COL12A1: variants seen among roughly 807,000 people sequenced by gnomAD.
COL12A1 encodes the protein collagen alpha-1(XII) chain.
Under a neutral mutation model 349.7 loss-of-function variants are expected in COL12A1, and 114 were observed. The ratio of observed to expected loss-of-function variants is 0.33; its 90% CI spans 0.28 to 0.38. The LOEUF is 0.38. Among genes scored for constraint, COL12A1 ranks in the 10% least tolerant of loss-of-function variants. The pLI, the probability that COL12A1 is intolerant of heterozygous loss-of-function variation, is 1.00. For missense variants in COL12A1, 3,284 were observed against 3,756.9 expected (o/e 0.87, Z 3.29); for synonymous variants, 1,369 against 1,329.0 (o/e 1.03, Z -0.66).
rs1455913805 is a variant in COL12A1, at chr6:75,165,656, T to C, written c.2834A>G (p.Asp945Gly). 6.2e-7 allele frequency: 1 copy of C among 1,614,050 alleles called. No individual in the cohort carries two copies. The highest frequency in any genetic ancestry group is 8.5e-7 in the Non-Finnish European group (1 of 1,179,936). Residue 945 changes from aspartate to glycine, a missense_variant, in exon 14 of 66, where the codon GAT becomes GGT. Coordinates refer to ENST00000322507, the MANE Select transcript of COL12A1 (RefSeq NM_004370.6). ...YRVSWKSLYD[D>G]VDTGEKNLPE... ...CAGATTTTTCTCTCCAGTGTCAACA[T>C]CATCATAAAGTGATTTCCATGAGAC...
At chr6:75,170,250 C>G (rs1223706205) in intron 13 of COL12A1, among the ~76,000 whole-genome samples, 2 of 152,140 alleles carry the variant, frequency 1.3e-5, no homozygotes, top group African/African-American at 4.8e-5. Flanking sequence ...TTCCAGCCAG[C>G]TTTCATTGAG....
chr6:75,111,879 C>A (rs992308428), intron 51 of COL12A1, among the ~76,000 whole-genome samples: 6 of 151,506 alleles, frequency 4.0e-5, no homozygotes, highest in African/African-American at 1.4e-4. Context: ...TGAGGAGAGT[C>A]CTTTACCATC....
Position 75,155,533 on chromosome 6 carries a change from A to G in COL12A1, c.3443+129T>C, listed in dbSNP as rs1767709329. On this transcript the variant is annotated intron_variant, in intron 16 of 65. Coordinates refer to ENST00000322507, the MANE Select transcript of COL12A1 (RefSeq NM_004370.6). Reference sequence around the variant, plus strand: ...AAGCATAAGAAAACAGCTTTAGCTGATTTTAAATACTTTGCTGGCAAACAG... The same window carrying G: ...AAGCATAAGAAAACAGCTTTAGCTGGTTTTAAATACTTTGCTGGCAAACAG... The G allele has an allele frequency of 4.2e-6, 4 of 958,596 alleles. No individual in the cohort carries two copies. The South Asian group carries it at 7.5e-5, about 18-fold the overall frequency. 59.4% of individuals were successfully genotyped at this position (958,596 alleles called of 1,614,324 possible).
chr6:75,112,622 T>C (rs999141031), intron 51 of COL12A1, among the ~76,000 whole-genome samples: 17 of 151,764 alleles, frequency 1.1e-4, no homozygotes, highest in African/African-American at 4.1e-4. Flanking sequence ...TAAGATTTTC[T>C]AGAGAATTGT....
In COL12A1 at chr6:75,113,301, G is replaced by A. The variant is rs201988277; in HGVS notation, c.7853C>T (p.Thr2618Met). Residue 2618 changes from threonine (T) to methionine (M), a missense_variant, in exon 51 of 66, where the codon ACG becomes ATG. Physicochemically the swap from Thr to Met is moderately conservative, Grantham distance 81 (BLOSUM62 -1). Around this residue, in one of 2 missense-constraint regions of COL12A1, gnomAD observed 683 missense variants for 932.1 expected, o/e 0.73. Transcript: ENST00000322507. ...TGTATCCTTGTTAAAGAATGATAACGTCTTGCTAGAAGCTGTAATCAACAT... is the reference window on the plus strand; with the variant it reads ...TGTATCCTTGTTAAAGAATGATAACATCTTGCTAGAAGCTGTAATCAACAT... ...VGVIADPSSK[T>M]LSFFNKDTRG... 3.9e-4 allele frequency: 610 copies of A among 1,547,796 alleles called. No individual in the cohort carries two copies. The highest frequency in any genetic ancestry group is 4.6e-4 in the Non-Finnish European group (525 of 1,150,812).
chr6:75,129,371 AG>A (rs564209390), intron 37 of COL12A1, among the ~76,000 whole-genome samples: 231 of 152,368 alleles, frequency 1.5e-3, no homozygotes, highest in African/African-American at 5.0e-3. Flanking sequence ...TGTGGTAAAA[AG>A]ATGGCAAACC....
rs141593495 is a variant in COL12A1, at chr6:75,119,174, G to C, written c.7223C>G (p.Thr2408Arg). ...AGTCAAGACTTTCTCCTTGATAAAC[G>C]TGAGGGCCTTGCCTACAGAATGTGG... ...GGNTRTGKAL[T>R]FIKEKVLTWE... Residue 2408 changes from threonine (T) to arginine (R), a missense_variant, in exon 46 of 66, where the codon ACG becomes AGG. Around this residue, in one of 2 missense-constraint regions of COL12A1, gnomAD observed 683 missense variants for 932.1 expected, o/e 0.73. Transcript: ENST00000322507. The C allele has an allele frequency of 8.1e-6, 13 of 1,613,778 alleles. No homozygotes were observed. Among genetic ancestry groups the C allele is most frequent in the African/African-American group, 1.3e-5 (1 of 74,878 alleles).
chr6:75,176,615 A>G (rs367567371), intron 12 of COL12A1, among the ~76,000 whole-genome samples: 66 of 152,324 alleles, frequency 4.3e-4, no homozygotes, highest in African/African-American at 1.5e-3. Flanking sequence ...TAAAATCCAC[A>G]AACTCAGATT....
chr6:75,128,199 G>A, intron 38 of COL12A1, 97 bp downstream of exon 38: 1 of 1,102,674 alleles, frequency 9.1e-7, no homozygotes. Context: ...AGATGTATTG[G>A]TAAAGATAAA....
chr6:75,143,958 C>A (rs9447452), intron 25 of COL12A1, among the ~76,000 whole-genome samples: 15,786 of 152,118 alleles, frequency 0.1, 2,061 homozygotes, highest in African/African-American at 0.3. Flanking sequence ...AAGGAGGATA[C>A]GGAATGAGGA....
chr6:75,103,241 T>C (rs1011909441), intron 55 of COL12A1, among the ~76,000 whole-genome samples: 1 of 152,218 alleles, frequency 6.6e-6, no homozygotes, highest in African/African-American at 2.4e-5. Context: ...TTATCATTAA[T>C]TATATTATGA....
At chr6:75,113,132 C>T (rs1768914028) in intron 51 of COL12A1, 72 bp downstream of exon 51, 1 of 752,646 alleles carries the variant, frequency 1.3e-6, no homozygotes, top group East Asian at 3.2e-5. Flanking sequence ...TTTAACATGA[C>T]ATTTTAATAA....
At chr6:75,141,966 A>C in intron 27 of COL12A1, 66 bp downstream of exon 27, 1 of 1,579,194 alleles carries the variant, frequency 6.3e-7, no homozygotes, top group Non-Finnish European at 8.7e-7. Context: ...ATGACCCAGT[A>C]AATTGTGTTA....
chr6:75,115,726 A>T lies in COL12A1; in HGVS notation c.7697+58T>A, dbSNP rs887764221. ...CCAGGATTCTGGGAAGTCAGCAAAT[A>T]TTCCAAGAACTTTTTGCAGGTCTTA... On this transcript the variant is annotated intron_variant, in intron 49 of 65. Coordinates refer to ENST00000322507, the MANE Select transcript of COL12A1 (RefSeq NM_004370.6). 3 of 1,546,136 alleles carry T rather than the reference A, an allele frequency of 1.9e-6. No individual in the cohort carries two copies. The African/African-American group carries it at 4.2e-5, about 21-fold the overall frequency.
At chr6:75,151,377 G>A in intron 20 of COL12A1, 90 bp from the exon 21 acceptor site, 1 of 1,166,724 alleles carries the variant, frequency 8.6e-7, no homozygotes, top group Non-Finnish European at 1.2e-6. Flanking sequence ...CTTAATTCAT[G>A]GCTGCTTTTG....
rs1769024804 is a variant in COL12A1, at chr6:75,177,524, T to C, written c.2437+139A>G. On this transcript the variant is annotated intron_variant, in intron 12 of 65. Coordinates refer to ENST00000322507, the MANE Select transcript of COL12A1 (RefSeq NM_004370.6). ...AGTAAAAAAAAAATTTTAACTTAAA[T>C]CTAAAAGGACTATGGTCTAACATAC... 3.1e-6 allele frequency: 3 copies of C among 976,304 alleles called. No individual in the cohort carries two copies. The South Asian group carries it at 5.5e-5, about 18-fold the overall frequency. The allele number at this position is 976,304 out of a possible 1,614,324, so 60.5% of individuals were successfully genotyped here. A position where few individuals can be genotyped will look rare whatever the true frequency, so the allele number is the denominator to read the frequency against.
intron 63 of COL12A1, among the ~76,000 whole-genome samples, chr6:75,089,512 A>C (rs2149325924): frequency 6.6e-6 from 1 of 152,352 alleles, no homozygotes; most frequent in East Asian, 1.9e-4. Context: ...TTTTATCTTT[A>C]GTAGCCCTAT....
At chr6:75,167,370 A>C (rs1768365110) in intron 13 of COL12A1, among the ~76,000 whole-genome samples, 1 of 152,180 alleles carries the variant, frequency 6.6e-6, no homozygotes, top group African/African-American at 2.4e-5. Context: ...CCTAGATTGC[A>C]GTCAGGAACA....
In COL12A1 at chr6:75,090,837, C is replaced by T. The variant is rs549474101; in HGVS notation, c.8752+486G>A. Among the ~76,000 whole-genome samples, 34 of 152,260 alleles carry T rather than the reference C, an allele frequency of 2.2e-4. No homozygotes were observed. Among genetic ancestry groups the T allele is most frequent in the African/African-American group, 6.5e-4 (27 of 41,546 alleles). On this transcript the variant is annotated intron_variant, in intron 62 of 65. Coordinates refer to ENST00000322507, the MANE Select transcript of COL12A1 (RefSeq NM_004370.6). This position sits in a 1 kb window ranked among gnomAD's most constrained non-coding sequence, Gnocchi z 4.1. ...TTCTAAGGCAGGTGTTCCTCAGTAC[C>T]GCACTTTGGAAAACATTGATTAAGA...
Sources: allele counts gnomAD v4.1 joint callset (sites outside exome capture counted in the v4.1 genomes callset), GRCh38; gene constraint gnomAD v4.1.1; regional missense constraint gnomAD v4.1.1; non-coding constraint Gnocchi (gnomAD v3.1); transcripts MANE v1.5; gene names NCBI Gene and HGNC (gene_info 2026-07-23, HGNC 2026-07-21).